Variants in CHD6 observed in about 807,000 individuals in gnomAD.
CHD6 encodes the protein chromodomain helicase DNA binding protein 6.
In CHD6, 50 loss-of-function variants were observed where a neutral mutation model predicts 276.9. The observed-to-expected ratio is 0.18, with a 90% confidence interval of 0.14 to 0.23. The LOEUF (loss-of-function observed/expected upper bound fraction) is 0.23. CHD6 is among the 10% of genes least tolerant of loss of function. The probability of loss-of-function intolerance (pLI) is 1.00; values close to 1 mark genes in which losing one functional copy is unlikely to be tolerated. For synonymous variants in CHD6, 1,173 were observed against 1,229.3 expected, an observed-to-expected ratio of 0.95 and a Z score of 0.96; for missense variants, 2,564 against 3,365.8, an observed-to-expected ratio of 0.76 and a Z score of 5.89.
chr20:41,483,577 C>T (rs918319951), intron 15 of CHD6, 58 bp from the exon 16 acceptor site: 28 of 1,266,760 alleles, frequency 2.2e-5, no homozygotes, highest in Non-Finnish European at 2.5e-5. Flanking sequence ...AAAGGTTGTA[C>T]TCTGCTTTAC....
intron 24 of CHD6, among the ~76,000 whole-genome samples, chr20:41,446,137 G>C (rs1306804847): frequency 6.6e-6 from 1 of 152,190 alleles, no homozygotes; most frequent in African/African-American, 2.4e-5. Flanking sequence ...TGAAGGTAGA[G>C]CTTCCCCAAG....
chr20:41,421,552 C>T lies in CHD6; in HGVS notation c.5083G>A (p.Asp1695Asn). The T allele has an allele frequency of 1.2e-6, 2 of 1,612,906 alleles. No homozygotes were observed. The highest frequency in any genetic ancestry group is 1.7e-6 in the Non-Finnish European group (2 of 1,179,466). Residue 1695 changes from aspartate (D) to asparagine (N), a missense_variant, in exon 31 of 37, where the codon GAT (aspartate) becomes AAT (asparagine). Transcript: ENST00000373233. The part of the protein sequence containing the change: ...KVQDVISINH[D>N]ESLLPESLES... The stretch of plus-strand genomic sequence containing the variant: ...AAGGACTCAGGCAGCAGACTTTCAT[C>T]ATGGTTGATGGAAATGACATCCTGA...
Position 41,405,502 on chromosome 20 carries a change from A to G in CHD6, c.7252-13T>C. On this transcript the variant is annotated splice_polypyrimidine_tract_variant and intron_variant, in intron 36 of 36. Coordinates refer to ENST00000373233, the MANE Select transcript of CHD6 (RefSeq NM_032221.5). ...CTGGAAGAAACCCCTGGAAAAACAA[A>G]GAAACACAAAATGCTGAAGGCAACA... 1 of 1,539,264 alleles carries G rather than the reference A, an allele frequency of 6.5e-7. No homozygotes were observed. Among genetic ancestry groups the G allele is most frequent in the East Asian group, 2.3e-5 (1 of 44,276 alleles).
At chr20:41,525,532 T>C (rs2044510304) in intron 3 of CHD6, among the ~76,000 whole-genome samples, 1 of 152,226 alleles carries the variant, frequency 6.6e-6, no homozygotes, top group Admixed American at 6.5e-5. Flanking sequence ...CCACTGGACT[T>C]CTTTGTCCAG....
chr20:41,518,517 C>G (rs190440706), intron 3 of CHD6, among the ~76,000 whole-genome samples: 1 of 152,284 alleles, frequency 6.6e-6, no homozygotes, highest in Admixed American at 6.5e-5. Context: ...TAGATTTTCC[C>G]AGACAGAAGC....
chr20:41,600,765 A>C (rs189058147), intron 1 of CHD6, among the ~76,000 whole-genome samples: 37 of 152,308 alleles, frequency 2.4e-4, no homozygotes, highest in Non-Finnish European at 4.6e-4. Flanking sequence ...AATTGCAGTC[A>C]AAGTTTTGGG....
intron 11 of CHD6, among the ~76,000 whole-genome samples, chr20:41,490,272 G>A (rs1021631220): frequency 3.3e-5 from 5 of 152,072 alleles, no homozygotes; most frequent in African/African-American, 4.8e-5. Context: ...TCCGAGAAAC[G>A]CATCACTGCG....
intron 1 of CHD6, among the ~76,000 whole-genome samples, chr20:41,587,452 A>G (rs1422465144): frequency 2.0e-5 from 3 of 152,230 alleles, no homozygotes; most frequent in African/African-American, 7.2e-5. Flanking sequence ...AGCCTTTCAG[A>G]TGAATCAGCT....
At chr20:41,438,414 A>AC (rs1346401083) in intron 26 of CHD6, among the ~76,000 whole-genome samples, 7 of 151,988 alleles carry the variant, frequency 4.6e-5, no homozygotes, top group Non-Finnish European at 8.8e-5. Flanking sequence ...ACATGGTGAA[A>AC]CCCCGTCTCT....
At chr20:41,564,888 T>C (rs1163307646) in intron 1 of CHD6, among the ~76,000 whole-genome samples, 1 of 152,148 alleles carries the variant, frequency 6.6e-6, no homozygotes, top group African/African-American at 2.4e-5. Context: ...TTCTATGTAA[T>C]GGGGAGCCAT....
At chr20:41,548,944 T>A (rs2146138090) in intron 2 of CHD6, among the ~76,000 whole-genome samples, 1 of 152,210 alleles carries the variant, frequency 6.6e-6, no homozygotes, top group Non-Finnish European at 1.5e-5. Flanking sequence ...CACAATGAGA[T>A]ACCATCTCAC....
intron 8 of CHD6, among the ~76,000 whole-genome samples, chr20:41,494,942 T>C (rs1454560181): frequency 6.6e-6 from 1 of 152,150 alleles, no homozygotes; most frequent in Non-Finnish European, 1.5e-5. Context: ...TCCTTCCTTA[T>C]AACTGTTGCT....
intron 15 of CHD6, 132 bp from the exon 16 acceptor site, chr20:41,483,651 G>C: frequency 1.5e-6 from 1 of 659,142 alleles, no homozygotes; most frequent in African/African-American, 1.8e-5. Context: ...AGGAGATGCT[G>C]GGTGCACTCT....
chr20:41,610,751 C>G (rs1035051073), intron 1 of CHD6, among the ~76,000 whole-genome samples: 6 of 141,572 alleles, frequency 4.2e-5, no homozygotes, highest in African/African-American at 1.6e-4. Context: ...GAGTGAGACT[C>G]CGTCTCAAAA....
At chr20:41,583,362 CAG>C (rs1484912626) in intron 1 of CHD6, among the ~76,000 whole-genome samples, 2 of 151,064 alleles carry the variant, frequency 1.3e-5, no homozygotes, top group Non-Finnish European at 2.9e-5. Flanking sequence ...TTTTGCAATC[CAG>C]AGGACAATGG....
rs1447980332 is a variant in CHD6, at chr20:41,421,498, G to C, written c.5137C>G (p.Leu1713Val). 6.2e-7 allele frequency: 1 copy of C among 1,613,210 alleles called. No individual in the cohort carries two copies. Among genetic ancestry groups the C allele is most frequent in the South Asian group, 1.1e-5 (1 of 90,794 alleles). Residue 1713 changes from leucine to valine, a missense_variant, in exon 31 of 37, where the codon CTC becomes GTC. Around this residue, in one of 7 missense-constraint regions of CHD6, gnomAD observed 1,024 missense variants for 1,047.9 expected, o/e 0.98. Coordinates refer to ENST00000373233, the MANE Select transcript of CHD6 (RefSeq NM_032221.5). ...TGAAAAGAGCTTGGTTCTTGGCTGAGCACCTTCTTACCATACATCATGCTC... is the reference window on the plus strand; with the variant it reads ...TGAAAAGAGCTTGGTTCTTGGCTGACCACCTTCTTACCATACATCATGCTC... Reference protein sequence around the residue: ...LESMMYGKKVLSQEPSSFQES... With the variant: ...LESMMYGKKVVSQEPSSFQES...
In CHD6 at chr20:41,475,131, CAAT is replaced by C. The variant is rs58621095; in HGVS notation, c.2469-1617_2469-1615del. The stretch of plus-strand genomic sequence containing the variant: ...TTATCACCATTATTCCTAACAACCA[CAAT>C]AATAATATTAGCAGCAAATTCTTAA... On this transcript the variant is annotated intron_variant, in intron 16 of 36. Transcript: ENST00000373233. Among the ~76,000 whole-genome samples the C allele has an allele frequency of 5.4e-4, 82 of 152,286 alleles. 1 individual carries two copies. Among genetic ancestry groups the C allele is most frequent in the African/African-American group, 1.9e-3 (80 of 41,552 alleles).
chr20:41,565,258 G>T (rs955847546), intron 1 of CHD6, among the ~76,000 whole-genome samples: 2 of 152,040 alleles, frequency 1.3e-5, no homozygotes, highest in African/African-American at 4.8e-5. Context: ...ACCACACCCG[G>T]CTAATTTTTG....
At chr20:41,556,914 T>A (rs2045245218) in intron 1 of CHD6, among the ~76,000 whole-genome samples, 1 of 152,216 alleles carries the variant, frequency 6.6e-6, no homozygotes, top group Non-Finnish European at 1.5e-5. Flanking sequence ...TAAGGCTAAA[T>A]TTTATGTACT....
Sources: allele counts gnomAD v4.1 joint callset (sites outside exome capture counted in the v4.1 genomes callset), GRCh38; gene constraint gnomAD v4.1.1; regional missense constraint gnomAD v4.1.1; transcripts MANE v1.5; gene names NCBI Gene and HGNC (gene_info 2026-07-23, HGNC 2026-07-21).